CREB5: variants seen among roughly 807,000 people sequenced by gnomAD.
The protein encoded by CREB5 is cyclic AMP-responsive element-binding protein 5.
CREB5 carries 19 observed loss-of-function variants against 57.1 expected under a neutral mutation model. The observed-to-expected ratio is 0.33, with a 90% CI of 0.23 to 0.49. The LOEUF (loss-of-function observed/expected upper bound fraction) is 0.49. CREB5 is among the 20% of genes least tolerant of loss of function. The pLI, the probability that CREB5 is intolerant of heterozygous loss-of-function variation, is 0.99. For missense variants in CREB5, 579 were observed against 671.6 expected (o/e 0.86, Z 1.52); for synonymous variants, 238 against 238.3 (o/e 1.00, Z 0.01).
At chr7:28,465,180 A>T (rs558461589) in intron 1 of CREB5, among the ~76,000 whole-genome samples, 1 of 152,218 alleles carries the variant, frequency 6.6e-6, no homozygotes, top group Non-Finnish European at 1.5e-5. Flanking sequence ...AGACTCTAGT[A>T]GGTACTGTAG....
chr7:28,404,706 C>A (rs781200182), intron 1 of CREB5, among the ~76,000 whole-genome samples: 2 of 152,178 alleles, frequency 1.3e-5, no homozygotes, highest in Non-Finnish European at 2.9e-5. Context: ...GGCCATGAAG[C>A]CAGTCCTGTC....
chr7:28,353,933 G>T (rs1786289148), intron 1 of CREB5, among the ~76,000 whole-genome samples: 1 of 152,040 alleles, frequency 6.6e-6, no homozygotes, highest in Admixed American at 6.6e-5. Flanking sequence ...TGATGAAGTG[G>T]ACACACAAAG....
chr7:28,540,350 G>T (rs954480320), intron 4 of CREB5, among the ~76,000 whole-genome samples: 3 of 152,204 alleles, frequency 2.0e-5, no homozygotes, highest in Non-Finnish European at 4.4e-5. Flanking sequence ...GTGGGTGAAT[G>T]AGTTTATTAG....
chr7:28,522,814 G>A lies in CREB5; in HGVS notation c.291+15077G>A, dbSNP rs139260562. On this transcript the variant is annotated intron_variant, in intron 4 of 10. Transcript: ENST00000357727. The stretch of plus-strand genomic sequence containing the variant: ...ACAGCGTGGCTGGCCCTGAAACCTA[G>A]CAATGAAAGGTAGCTTGCTCTTTCT... Among the ~76,000 whole-genome samples, 366 of 152,298 alleles carry A rather than the reference G, an allele frequency of 2.4e-3. 5 individuals carry two copies. Among genetic ancestry groups the A allele is most frequent in the African/African-American group, 8.5e-3 (354 of 41,566 alleles).
At position 28,321,041 on chromosome 7, in the gene CREB5, G is replaced by A. The variant is rs868294217; in HGVS notation, c.-25+21600G>A. Among the ~76,000 whole-genome samples, 4 of 152,164 alleles carry A rather than the reference G, an allele frequency of 2.6e-5. No homozygotes were observed. In the South Asian group the frequency reaches 6.2e-4, roughly 24 times the overall value. ...CCTGGGCAAATTACCTGACCTCTCT[G>A]GGCCTTGCTCTCTCCTCATCTGTAC... On this transcript the variant is annotated intron_variant, in intron 1 of 9. Transcript: ENST00000396299.
chr7:28,518,073 G>A (rs1793052988), intron 4 of CREB5, among the ~76,000 whole-genome samples: 1 of 152,198 alleles, frequency 6.6e-6, no homozygotes, highest in Non-Finnish European at 1.5e-5. Context: ...TGGGGGAGCA[G>A]CTTGCTTCCC....
intron 7 of CREB5, among the ~76,000 whole-genome samples, chr7:28,793,449 C>T (rs1807846358): frequency 6.6e-6 from 1 of 152,222 alleles, no homozygotes; most frequent in Non-Finnish European, 1.5e-5. Flanking sequence ...CAATGGTACA[C>T]ATCTTGCTAT....
intron 1 of CREB5, among the ~76,000 whole-genome samples, chr7:28,477,613 G>A (rs1026762071): frequency 2.0e-5 from 3 of 152,182 alleles, no homozygotes; most frequent in African/African-American, 7.2e-5. Context: ...TTAATGGCTT[G>A]GACCTTTTGA....
At chr7:28,660,939 G>A (rs1353722562) in intron 5 of CREB5, among the ~76,000 whole-genome samples, 3 of 152,116 alleles carry the variant, frequency 2.0e-5, no homozygotes, top group African/African-American at 7.2e-5. Context: ...GCCAGGCCTT[G>A]AAGGTTCCAA....
chr7:28,613,717 G>C (rs73081804), intron 5 of CREB5, among the ~76,000 whole-genome samples: 10,104 of 152,202 alleles, frequency 0.066, 452 homozygotes, highest in Non-Finnish European at 0.099. Flanking sequence ...AACTCAGTAG[G>C]CATTTGTGGA....
chr7:28,674,256 T>C (rs946549229), intron 5 of CREB5, among the ~76,000 whole-genome samples: 3 of 152,330 alleles, frequency 2.0e-5, no homozygotes, highest in South Asian at 4.1e-4. Flanking sequence ...GAAGGAGGAC[T>C]ATTCTCCCAC....
chr7:28,419,217 C>G (rs935413317), intron 1 of CREB5, among the ~76,000 whole-genome samples: 1 of 152,182 alleles, frequency 6.6e-6, no homozygotes, highest in Non-Finnish European at 1.5e-5. Flanking sequence ...AGTTACTCAT[C>G]TGTTTTGGGG....
intron 4 of CREB5, among the ~76,000 whole-genome samples, chr7:28,509,308 C>T (rs1460375051): frequency 6.6e-6 from 1 of 152,212 alleles, no homozygotes; most frequent in Non-Finnish European, 1.5e-5. Context: ...TTTAGATATT[C>T]TCCATTGCAT....
At chr7:28,560,873 CGCGTGCGTGCGTGCGT>C (rs1287731637) in intron 4 of CREB5, among the ~76,000 whole-genome samples, 1 of 22,108 alleles carries the variant, frequency 4.5e-5, no homozygotes. Flanking sequence ...TGCCTGCGTG[CGCGTGCGTGCGTGCGT>C]GTGTGTGCGT....
chr7:28,577,428 C>T (rs1795947471), intron 5 of CREB5, among the ~76,000 whole-genome samples: 1 of 152,222 alleles, frequency 6.6e-6, no homozygotes, highest in African/African-American at 2.4e-5. Flanking sequence ...GTCAGAGACA[C>T]TTGACTTCTA....
intron 1 of CREB5, among the ~76,000 whole-genome samples, chr7:28,339,219 T>C (rs1343338172): frequency 2.0e-5 from 3 of 152,114 alleles, no homozygotes; most frequent in African/African-American, 4.8e-5. Flanking sequence ...AGTTAGCTAT[T>C]TGTTGAAGTC....
intron 1 of CREB5, among the ~76,000 whole-genome samples, chr7:28,301,231 C>A (rs4719932): frequency 0.84 from 127,828 of 152,196 alleles, 54,343 homozygotes; most frequent in East Asian, 0.99. Context: ...TTGTGGTCAA[C>A]CTGTCTGGCA....
At chr7:28,511,233 A>G (rs551629096) in intron 4 of CREB5, among the ~76,000 whole-genome samples, 2 of 151,960 alleles carry the variant, frequency 1.3e-5, no homozygotes, top group Non-Finnish European at 2.9e-5. Flanking sequence ...GATGGTTAGT[A>G]GATGTGCAAG....
Position 28,522,390 on chromosome 7 carries a change from GTTT to G in CREB5, c.291+14672_291+14674del, listed in dbSNP as rs11291433. Among the ~76,000 whole-genome samples, 325 of 97,590 alleles carry G rather than the reference GTTT, an allele frequency of 3.3e-3. 7 individuals are homozygous for G. In the East Asian group the frequency reaches 0.079, roughly 24 times the overall value. The allele number at this position is 97,590 out of a possible 152,430, so 64.0% of individuals were successfully genotyped here. A position where few individuals can be genotyped will look rare whatever the true frequency, so the allele number is the denominator to read the frequency against. ...CTGCACTGACTATATCCTGCTCTTTGTTTTTTTTTTTTTTTTTTTTTCTGAGGT... is the reference window on the plus strand; with the variant it reads ...CTGCACTGACTATATCCTGCTCTTTGTTTTTTTTTTTTTTTTTTCTGAGGT... On this transcript the variant is annotated intron_variant, in intron 4 of 10. Transcript: ENST00000357727.
Sources: gnomAD v4.1 joint callset for allele counts (sites outside exome capture counted in the v4.1 genomes callset) on GRCh38, gnomAD v4.1.1 for gene constraint, MANE v1.5 for transcripts, NCBI Gene and HGNC (gene_info 2026-07-23, HGNC 2026-07-21) for gene names.